The following WDPCP variants were observed in gnomAD, a reference collection of about 807,000 sequenced individuals.
The protein encoded by WDPCP is WD repeat containing planar cell polarity effector.
In WDPCP, 71 loss-of-function variants were observed where a neutral mutation model predicts 93.1. The observed-to-expected ratio is 0.76, with a 90% CI of 0.63 to 0.93. WDPCP has a LOEUF of 0.93. WDPCP is among the 40% of genes least tolerant of loss of function. The pLI is 0.00. For missense variants in WDPCP, 844 were observed against 887.4 expected, an observed-to-expected ratio of 0.95 and a Z score of 0.62; for synonymous variants, 315 against 315.0, an observed-to-expected ratio of 1.00 and a Z score of 0.00.
At chr2:63,795,239 CAAT>C (rs1322692293) in intron 2 of WDPCP, among the ~76,000 whole-genome samples, 4 of 152,256 alleles carry the variant, frequency 2.6e-5, no homozygotes, top group Non-Finnish European at 4.4e-5. Context: ...AGTGGAACAA[CAAT>C]GAGGATCCCA....
At chr2:63,186,106 C>A (rs1674620881) in intron 14 of WDPCP, among the ~76,000 whole-genome samples, 1 of 152,162 alleles carries the variant, frequency 6.6e-6, no homozygotes, top group African/African-American at 2.4e-5. Flanking sequence ...ATCTGCCTCC[C>A]TCTCACTCCT....
intron 2 of WDPCP, among the ~76,000 whole-genome samples, chr2:63,695,478 A>T (rs945737528): frequency 6.6e-6 from 1 of 152,176 alleles, no homozygotes; most frequent in Non-Finnish European, 1.5e-5. Context: ...TGCATGGGAC[A>T]CAGTTAAACT....
chr2:63,231,777 T>C (rs931123475), intron 14 of WDPCP, among the ~76,000 whole-genome samples: 1 of 152,164 alleles, frequency 6.6e-6, no homozygotes, highest in Non-Finnish European at 1.5e-5. Flanking sequence ...ATAGATTCAA[T>C]GCCATCCCCA....
chr2:63,724,237 A>G (rs1268864293), intron 2 of WDPCP, among the ~76,000 whole-genome samples: 6 of 152,338 alleles, frequency 3.9e-5, no homozygotes, highest in Non-Finnish European at 7.3e-5. Context: ...CAGAACAAAA[A>G]TGGGCTAAAA....
intron 1 of WDPCP, chr2:63,571,327 G>C: frequency 2.2e-6 from 1 of 448,664 alleles, no homozygotes; most frequent in Non-Finnish European, 4.4e-6. Flanking sequence ...TTTAAACTTA[G>C]TCATTTTTTT....
At chr2:63,624,564 T>A (rs1199783295) in intron 3 of WDPCP, among the ~76,000 whole-genome samples, 2 of 152,110 alleles carry the variant, frequency 1.3e-5, no homozygotes, top group East Asian at 1.9e-4. Flanking sequence ...TCTGTGTAAA[T>A]AAACTAGAAA....
chr2:63,182,306 T>C (rs952444999), intron 14 of WDPCP, among the ~76,000 whole-genome samples: 1 of 152,116 alleles, frequency 6.6e-6, no homozygotes, highest in African/African-American at 2.4e-5. Flanking sequence ...TTTTATTATT[T>C]TGCAGTATGT....
At chr2:63,194,248 AGAT>A (rs1384927263) in intron 14 of WDPCP, among the ~76,000 whole-genome samples, 1 of 152,122 alleles carries the variant, frequency 6.6e-6, no homozygotes, top group Non-Finnish European at 1.5e-5. Context: ...CAAGAGACTA[AGAT>A]GATGATGGAG....
At chr2:63,618,684 A>G (rs1170538940) in intron 3 of WDPCP, among the ~76,000 whole-genome samples, 5 of 148,914 alleles carry the variant, frequency 3.4e-5, no homozygotes, top group African/African-American at 7.6e-5. Flanking sequence ...GAAGTGGGAT[A>G]GTAATTTTTT....
At chr2:63,716,442 A>T (rs1389620997) in intron 2 of WDPCP, among the ~76,000 whole-genome samples, 2 of 152,126 alleles carry the variant, frequency 1.3e-5, no homozygotes, top group African/African-American at 2.4e-5. Flanking sequence ...TCTCTGTGGC[A>T]CTTTTGTCAT....
chr2:63,438,476 A>T (rs1215214817), intron 7 of WDPCP, among the ~76,000 whole-genome samples: 1 of 152,110 alleles, frequency 6.6e-6, no homozygotes, highest in Non-Finnish European at 1.5e-5. Flanking sequence ...ATTGTGCTGA[A>T]AGTTTCCTTT....
chr2:63,550,059 T>C (rs1484017878), intron 1 of WDPCP, among the ~76,000 whole-genome samples: 2 of 66,506 alleles, frequency 3.0e-5, no homozygotes, highest in Admixed American at 1.7e-4. Flanking sequence ...CAACCAATGC[T>C]TTCTCTCTCT....
At chr2:63,278,734 A>G (rs1458009169) in intron 13 of WDPCP, among the ~76,000 whole-genome samples, 1 of 152,118 alleles carries the variant, frequency 6.6e-6, no homozygotes, top group Admixed American at 6.6e-5. Flanking sequence ...GCTGAGGCAG[A>G]AGAATGGTGT....
chr2:63,174,705 A>C lies in WDPCP; in HGVS notation c.2043T>G (p.Ile681Met). ...AGCCATTCAGTATTCTTTGTTGTAA[A>C]ATATGTCTGTGGGTTGGGCAAGAGG... ...LPPSCPTHRHILQQRILNGSS... is the reference protein window; with the variant it reads ...LPPSCPTHRHMLQQRILNGSS... Residue 681 changes from isoleucine (I) to methionine (M), a missense_variant, in exon 15 of 18, where the codon ATT becomes ATG. Coordinates refer to ENST00000272321, the MANE Select transcript of WDPCP (RefSeq NM_015910.7). The C allele has an allele frequency of 6.2e-7, 1 of 1,613,934 alleles. No homozygotes were observed. Among genetic ancestry groups the C allele is most frequent in the African/African-American group, 1.3e-5 (1 of 75,006 alleles).
chr2:63,705,760 G>C (rs1409252510), intron 2 of WDPCP, among the ~76,000 whole-genome samples: 1 of 145,384 alleles, frequency 6.9e-6, no homozygotes, highest in Non-Finnish European at 1.6e-5. Context: ...ATGCTGAGAA[G>C]AATGTGTATT....
chr2:63,672,712 C>CTTTATTTTATTTTATTTTAT (rs70965140), intron 2 of WDPCP, among the ~76,000 whole-genome samples: 2,934 of 113,056 alleles, frequency 0.026, 75 homozygotes, highest in Middle Eastern at 0.041. Context: ...TCACTGAAGC[C>CTTTATTTTATTTTATTTTAT]TTTATTTTAT....
chr2:63,325,852 T>C (rs1374112605), intron 12 of WDPCP, among the ~76,000 whole-genome samples: 1 of 152,202 alleles, frequency 6.6e-6, no homozygotes, highest in African/African-American at 2.4e-5. Flanking sequence ...GCTTTAAGCC[T>C]TCCCACAGGA....
intron 3 of WDPCP, among the ~76,000 whole-genome samples, chr2:63,644,243 C>CTTTT (rs1167296293): frequency 3.4e-5 from 4 of 118,458 alleles, no homozygotes; most frequent in Admixed American, 9.8e-5. Flanking sequence ...TTCTCCTCTA[C>CTTTT]TTTTTTTTTT....
At chr2:63,203,466 C>A (rs1398961468) in intron 14 of WDPCP, among the ~76,000 whole-genome samples, 1 of 152,128 alleles carries the variant, frequency 6.6e-6, no homozygotes, top group Non-Finnish European at 1.5e-5. Context: ...CCCCACTAAC[C>A]CTTCCCAGCT....
Sources: allele counts gnomAD v4.1 joint callset (sites outside exome capture counted in the v4.1 genomes callset), GRCh38; gene constraint gnomAD v4.1.1; transcripts MANE v1.5; gene names NCBI Gene and HGNC (gene_info 2026-07-23, HGNC 2026-07-21).